The following C8orf88 variants were observed in gnomAD, a reference collection of about 807,000 sequenced individuals.
The protein encoded by C8orf88 is uncharacterized protein C8orf88.
A neutral mutation model predicts 18.4 loss-of-function variants in C8orf88; 14 were observed. That is an observed-to-expected ratio of 0.76 (90% confidence interval 0.50 to 1.19). The LOEUF is 1.19. Ranked by LOEUF, C8orf88 falls within the 50% of genes most tolerant of loss-of-function variation. The pLI is 0.00. For synonymous variants in C8orf88, 45 were observed against 42.9 expected (o/e 1.05, Z -0.19); for missense variants, 116 against 134.7 (o/e 0.86, Z 0.69).
intron 4 of C8orf88, among the ~76,000 whole-genome samples, chr8:90,966,114 CAAT>C (rs1479289399): frequency 1.3e-5 from 2 of 151,190 alleles, no homozygotes; most frequent in Non-Finnish European, 3.0e-5. Flanking sequence ...AAATGTCCAA[CAAT>C]GATAGACTGG....
rs371404371 is a variant in C8orf88 at position 90,973,544 on chromosome 8, G to A, written c.148-2403C>T. Reference sequence around the variant, plus strand: ...GTCACCCAGGCTGGAGTGCAGTGCCGTGATCATAGGTCACTGTAACCTTGA... The same window carrying A: ...GTCACCCAGGCTGGAGTGCAGTGCCATGATCATAGGTCACTGTAACCTTGA... On this transcript the variant is annotated intron_variant, in intron 3 of 5. Transcript: ENST00000517562. 4.5e-4 allele frequency among the ~76,000 whole-genome samples: 69 copies of A among 152,134 alleles called. 4 individuals carry two copies. The highest frequency in any genetic ancestry group is 2.0e-3 in the Admixed American group (31 of 15,272).
At chr8:90,976,360 A>C (rs1490372603) in intron 3 of C8orf88, among the ~76,000 whole-genome samples, 8 of 152,288 alleles carry the variant, frequency 5.3e-5, no homozygotes, top group African/African-American at 1.9e-4. Context: ...TAATTGAAGC[A>C]GCAGACAAAA....
intron 4 of C8orf88, among the ~76,000 whole-genome samples, chr8:90,968,902 T>C (rs549598039): frequency 6.6e-6 from 1 of 150,430 alleles, no homozygotes; most frequent in Admixed American, 6.6e-5. Context: ...CATAAGAAAA[T>C]GCAAATCAAA....
chr8:90,984,901 C>T (rs968513201), intron 1 of C8orf88, among the ~76,000 whole-genome samples: 1 of 152,192 alleles, frequency 6.6e-6, no homozygotes, highest in Admixed American at 6.5e-5. Flanking sequence ...TTTCTTTCCC[C>T]TCATCCGACG....
At chr8:90,967,201 G>C (rs185524273) in intron 4 of C8orf88, among the ~76,000 whole-genome samples, 12 of 151,908 alleles carry the variant, frequency 7.9e-5, no homozygotes, top group Admixed American at 2.0e-4. Context: ...CCTGAATCCT[G>C]TTAATGTGGT....
chr8:90,971,780 T>G (rs1811288116), intron 3 of C8orf88, among the ~76,000 whole-genome samples: 1 of 152,038 alleles, frequency 6.6e-6, no homozygotes, highest in Non-Finnish European at 1.5e-5. Context: ...AAATCCATTT[T>G]TACCTAAATC....
intron 3 of C8orf88, among the ~76,000 whole-genome samples, chr8:90,973,493 A>AT (rs1169847586): frequency 6.6e-6 from 1 of 151,856 alleles, no homozygotes; most frequent in Non-Finnish European, 1.5e-5. Flanking sequence ...GACTTTTTGT[A>AT]TTTTTTTGAG....
intron 2 of C8orf88, among the ~76,000 whole-genome samples, chr8:90,979,862 A>G: frequency 6.6e-6 from 1 of 152,244 alleles, no homozygotes; most frequent in Non-Finnish European, 1.5e-5. Flanking sequence ...TAAAATAGAT[A>G]TTTTGAAATT....
intron 4 of C8orf88, among the ~76,000 whole-genome samples, chr8:90,962,253 T>C (rs1226768069): frequency 1.3e-5 from 2 of 151,650 alleles, no homozygotes; most frequent in Non-Finnish European, 3.0e-5. Flanking sequence ...TTTTCAAATA[T>C]GCAAACTCAA....
chr8:90,967,498 G>A (rs1811218300), intron 4 of C8orf88, among the ~76,000 whole-genome samples: 1 of 151,636 alleles, frequency 6.6e-6, no homozygotes, highest in Admixed American at 6.6e-5. Flanking sequence ...CAAGTGTTTA[G>A]TAGACAAGTG....
chr8:90,967,233 T>C (rs1427064534), intron 4 of C8orf88, among the ~76,000 whole-genome samples: 1 of 151,864 alleles, frequency 6.6e-6, no homozygotes, highest in Non-Finnish European at 1.5e-5. Flanking sequence ...GATTTTGATA[T>C]GTTGACTCAC....
chr8:90,978,243 T>G (rs931010538), intron 3 of C8orf88, among the ~76,000 whole-genome samples: 1 of 152,158 alleles, frequency 6.6e-6, no homozygotes, highest in Non-Finnish European at 1.5e-5. Flanking sequence ...ATTATATTTA[T>G]CATAGCAAAA....
At chr8:90,966,111 C>G (rs1189555852) in intron 4 of C8orf88, among the ~76,000 whole-genome samples, 6 of 151,008 alleles carry the variant, frequency 4.0e-5, no homozygotes, top group Non-Finnish European at 7.4e-5. Flanking sequence ...CCCAAATGTC[C>G]AACAATGATA....
intron 4 of C8orf88, among the ~76,000 whole-genome samples, chr8:90,961,651 T>C (rs1811128478): frequency 6.6e-6 from 1 of 151,442 alleles, no homozygotes; most frequent in Admixed American, 6.6e-5. Context: ...ATGGAAACTT[T>C]ACTGTTCAGA....
chr8:90,983,194 T>C (rs1034992327), intron 1 of C8orf88, among the ~76,000 whole-genome samples: 4 of 152,126 alleles, frequency 2.6e-5, no homozygotes, highest in Admixed American at 6.5e-5. Flanking sequence ...AGTGGGCCTA[T>C]CATAAGGTTG....
chr8:90,984,576 T>C (rs1811478415), intron 1 of C8orf88, among the ~76,000 whole-genome samples: 1 of 152,234 alleles, frequency 6.6e-6, no homozygotes, highest in Non-Finnish European at 1.5e-5. Flanking sequence ...AATTTAATTT[T>C]TTTTTTGGTC....
intron 4 of C8orf88, among the ~76,000 whole-genome samples, chr8:90,965,407 A>G (rs1052753343): frequency 2.0e-5 from 3 of 151,850 alleles, no homozygotes. Context: ...TTTTAACATT[A>G]ATAACTGGAG....
intron 4 of C8orf88, among the ~76,000 whole-genome samples, chr8:90,969,184 T>A (rs560232679): frequency 7.1e-4 from 108 of 152,014 alleles, no homozygotes; most frequent in African/African-American, 2.5e-3. Context: ...ACAGCAATAT[T>A]ATTCACAATA....
chr8:90,976,160 A>T (rs1022874478), intron 3 of C8orf88, among the ~76,000 whole-genome samples: 6 of 152,008 alleles, frequency 3.9e-5, no homozygotes, highest in African/African-American at 1.4e-4. Context: ...AATTATTGCA[A>T]GGGGATATAA....
Sources: gnomAD v4.1 joint callset for allele counts (sites outside exome capture counted in the v4.1 genomes callset) on GRCh38, gnomAD v4.1.1 for gene constraint, MANE v1.5 for transcripts, NCBI Gene and HGNC (gene_info 2026-07-23, HGNC 2026-07-21) for gene names.